DCDC2C: variants seen among roughly 807,000 people sequenced by gnomAD.
DCDC2C encodes the protein doublecortin domain containing 2C.
A neutral mutation model predicts 45.0 loss-of-function variants in DCDC2C; 44 were observed. The ratio of observed to expected loss-of-function variants is 0.98; its 90% CI spans 0.77 to 1.26. DCDC2C has a LOEUF of 1.26. Ranked by LOEUF, DCDC2C falls within the 50% of genes most tolerant of loss-of-function variation. DCDC2C has a pLI of 0.00. For missense variants in DCDC2C, 447 were observed against 468.9 expected (o/e 0.95, Z 0.43); for synonymous variants, 187 against 178.8 (o/e 1.05, Z -0.37).
At chr2:3,785,178 C>G (rs1670617179) in intron 10 of DCDC2C, 78 bp downstream of exon 10, 1 of 1,096,988 alleles carries the variant, frequency 9.1e-7, no homozygotes, top group Non-Finnish European at 1.2e-6. Flanking sequence ...CCACGGATCC[C>G]CAAATCTTCT....
chr2:3,731,720 T>G (rs893172917), intron 3 of DCDC2C, among the ~76,000 whole-genome samples: 59 of 152,202 alleles, frequency 3.9e-4, no homozygotes, highest in African/African-American at 1.3e-3. Flanking sequence ...GAGAACAGAA[T>G]GTGTCTTGCT....
intron 10 of DCDC2C, among the ~76,000 whole-genome samples, chr2:3,791,113 A>C (rs930487600): frequency 6.6e-6 from 1 of 152,172 alleles, no homozygotes; most frequent in Non-Finnish European, 1.5e-5. Flanking sequence ...TGTCTCAAAA[A>C]AAAAGAAAAT....
chr2:3,725,305 G>A (rs967089376), intron 2 of DCDC2C, among the ~76,000 whole-genome samples: 1 of 152,178 alleles, frequency 6.6e-6, no homozygotes, highest in Non-Finnish European at 1.5e-5. Context: ...GTGGGGGCTC[G>A]AGCAGAGACC....
At position 3,724,254 on chromosome 2, in the gene DCDC2C, C is replaced by T. The variant is rs186314525; in HGVS notation, c.340-2749C>T. Among the ~76,000 whole-genome samples, 36 of 152,266 alleles carry T rather than the reference C, an allele frequency of 2.4e-4. No individual in the cohort carries two copies. The East Asian group carries it at 6.0e-3, about 25-fold the overall frequency. ...CCAATTCCAAAGCCTGGGGTCTTCC[C>T]GTCTGCCAGGCTGCTTCTGAGATTC... On this transcript the variant is annotated intron_variant, in intron 2 of 10. Transcript: ENST00000399143.
At chr2:3,765,745 C>T (rs1051364091) in intron 6 of DCDC2C, among the ~76,000 whole-genome samples, 3 of 152,138 alleles carry the variant, frequency 2.0e-5, no homozygotes, top group Non-Finnish European at 4.4e-5. Flanking sequence ...TGGCTTCTAA[C>T]CTTCTGCTGA....
At chr2:3,828,171 T>C (rs1490015675) in intron 10 of DCDC2C, among the ~76,000 whole-genome samples, 3 of 152,202 alleles carry the variant, frequency 2.0e-5, no homozygotes, top group Non-Finnish European at 4.4e-5. Context: ...TTTGTAGACA[T>C]TTCCTTTTGA....
At chr2:3,760,012 C>T (rs765238370) in intron 6 of DCDC2C, among the ~76,000 whole-genome samples, 3 of 152,204 alleles carry the variant, frequency 2.0e-5, no homozygotes, top group African/African-American at 7.2e-5. Context: ...ACTTAACATT[C>T]GAGTGGCTTG....
chr2:3,714,744 A>T (rs1054453090), intron 2 of DCDC2C, among the ~76,000 whole-genome samples: 5 of 152,226 alleles, frequency 3.3e-5, no homozygotes, highest in African/African-American at 1.2e-4. Flanking sequence ...AAAAGCCTGG[A>T]GAATAAAATT....
intron 3 of DCDC2C, 21 bp from the exon 4 acceptor site, chr2:3,741,899 C>G: frequency 6.5e-7 from 1 of 1,536,092 alleles, no homozygotes; most frequent in Non-Finnish European, 8.8e-7. Context: ...TTAATGGATG[C>G]TTTTCTTTTT....
At chr2:3,833,939 C>T (rs576337909) in intron 10 of DCDC2C, among the ~76,000 whole-genome samples, 2 of 152,306 alleles carry the variant, frequency 1.3e-5, no homozygotes, top group Admixed American at 1.3e-4. Flanking sequence ...TCCTATGTGA[C>T]AACACCGATT....
intron 2 of DCDC2C, among the ~76,000 whole-genome samples, chr2:3,721,682 A>G (rs1433605409): frequency 6.6e-6 from 1 of 152,184 alleles, no homozygotes. Flanking sequence ...TTGAATTGTA[A>G]CTCTTAAAAT....
rs1305628973 is a variant in DCDC2C at position 3,778,850 on chromosome 2, T to C, written c.989T>C (p.Ile330Thr). 8 of 1,551,098 alleles carry C rather than the reference T, an allele frequency of 5.2e-6. No homozygotes were observed. The highest frequency in any genetic ancestry group is 1.7e-4 in the Middle Eastern group (1 of 5,996). The change falls in exon 9 of 11, where the codon ATA becomes ACA. Residue 330 changes from isoleucine (I) to threonine (T), a missense_variant. By Grantham distance (89) the Ile-to-Thr change is moderately conservative (BLOSUM62 -1). Transcript: ENST00000399143. ...GAGATAGTTAAAGAAGATGAAGAGA[T>C]ACATGAGAACACCCCTGATTTTGAG... ...QAEIVKEDEE[I>T]HENTPDFEGN... is the part of the protein sequence containing the mutation.
At chr2:3,809,917 A>G (rs1454765421) in intron 10 of DCDC2C, among the ~76,000 whole-genome samples, 1 of 152,220 alleles carries the variant, frequency 6.6e-6, no homozygotes, top group Non-Finnish European at 1.5e-5. Flanking sequence ...TGCAAAGGAC[A>G]TGATCTCATT....
At chr2:3,793,201 T>C (rs2148192379) in intron 10 of DCDC2C, among the ~76,000 whole-genome samples, 1 of 152,322 alleles carries the variant, frequency 6.6e-6, no homozygotes, top group East Asian at 1.9e-4. Context: ...TAAAAAAAGT[T>C]GTAGTATACC....
At chr2:3,802,508 A>C (rs1671138471) in intron 10 of DCDC2C, among the ~76,000 whole-genome samples, 1 of 152,210 alleles carries the variant, frequency 6.6e-6, no homozygotes, top group African/African-American at 2.4e-5. Flanking sequence ...TGCAGGCTTA[A>C]AAACAACAGA....
intron 2 of DCDC2C, among the ~76,000 whole-genome samples, chr2:3,722,254 C>T (rs1668522927): frequency 6.6e-6 from 1 of 152,194 alleles, no homozygotes; most frequent in Non-Finnish European, 1.5e-5. Flanking sequence ...TACTAAGCTA[C>T]ATGGGTATGG....
intron 3 of DCDC2C, among the ~76,000 whole-genome samples, chr2:3,732,225 A>G (rs2148086174): frequency 6.6e-6 from 1 of 152,120 alleles, no homozygotes; most frequent in South Asian, 2.1e-4. Flanking sequence ...GGGAGTATGA[A>G]AAGGCAGGAG....
chr2:3,824,881 C>T (rs561433270), intron 10 of DCDC2C, among the ~76,000 whole-genome samples: 200 of 152,200 alleles, frequency 1.3e-3, no homozygotes, highest in African/African-American at 4.6e-3. Flanking sequence ...AGTGGTCCTG[C>T]CTCTTCTCTG....
chr2:3,726,313 A>G (rs1572563007), intron 2 of DCDC2C, among the ~76,000 whole-genome samples: 1 of 152,196 alleles, frequency 6.6e-6, no homozygotes, highest in South Asian at 2.1e-4. Flanking sequence ...GGGGGTTAAC[A>G]TCCCTTCCCA....
Sources: allele counts gnomAD v4.1 joint callset (sites outside exome capture counted in the v4.1 genomes callset), GRCh38; gene constraint gnomAD v4.1.1; transcripts MANE v1.5; gene names NCBI Gene and HGNC (gene_info 2026-07-23, HGNC 2026-07-21).